The following MAGI3 variants were observed in gnomAD, a reference collection of about 807,000 sequenced individuals.
MAGI3 encodes membrane-associated guanylate kinase, WW and PDZ domain-containing protein 3.
Under a neutral mutation model 121.8 loss-of-function variants are expected in MAGI3, and 43 were observed. The ratio of observed to expected loss-of-function variants is 0.35; its 90% confidence interval spans 0.28 to 0.46. The LOEUF is 0.46. Among genes scored for constraint, MAGI3 ranks in the 20% least tolerant of loss-of-function variants. MAGI3 has a pLI of 1.00. For synonymous variants in MAGI3, 553 were observed against 639.3 expected (o/e 0.86, Z 2.04); for missense variants, 1,547 against 1,797.3 (o/e 0.86, Z 2.52).
intron 9 of MAGI3, among the ~76,000 whole-genome samples, chr1:113,634,112 G>A (rs1651844622): frequency 6.6e-6 from 1 of 152,114 alleles, no homozygotes; most frequent in African/African-American, 2.4e-5. Context: ...ATTTGTTTGA[G>A]TTCATTGTAG....
At chr1:113,406,346 G>A (rs973066422) in intron 1 of MAGI3, among the ~76,000 whole-genome samples, 2 of 150,660 alleles carry the variant, frequency 1.3e-5, no homozygotes, top group South Asian at 2.1e-4. Flanking sequence ...TACTCAGGAG[G>A]CTAAGATAAG....
chr1:113,522,826 A>G (rs1479101151), intron 1 of MAGI3, among the ~76,000 whole-genome samples: 3 of 152,228 alleles, frequency 2.0e-5, no homozygotes, highest in South Asian at 2.1e-4. Flanking sequence ...AACTGCATAT[A>G]TTATGATACT....
At chr1:113,598,601 A>C (rs143094991) in intron 6 of MAGI3, among the ~76,000 whole-genome samples, 1 of 152,196 alleles carries the variant, frequency 6.6e-6, no homozygotes, top group African/African-American at 2.4e-5. Context: ...GTCATTATAC[A>C]ATGATAAAAT....
intron 6 of MAGI3, among the ~76,000 whole-genome samples, chr1:113,604,617 T>C (rs2101759014): frequency 7.3e-6 from 1 of 136,062 alleles, no homozygotes; most frequent in African/African-American, 2.7e-5. Context: ...AAATGTGGTA[T>C]ATATATACCA....
At position 113,545,327 on chromosome 1, in the gene MAGI3, A is replaced by AT. The variant is rs137969782; in HGVS notation, c.317-4178dup. On this transcript the variant is annotated intron_variant, in intron 1 of 20. Coordinates refer to ENST00000307546, the MANE Select transcript of MAGI3 (RefSeq NM_001142782.2). ...GAATAAGACATGCCAAAATGACCTC[A>AT]TTTTTTTTTTGCTTTATTTTTAGTT... Among the ~76,000 whole-genome samples the AT allele has an allele frequency of 5.3e-3, 795 of 149,562 alleles. 10 individuals carry two copies. The highest frequency in any genetic ancestry group is 6.9e-3 in the Middle Eastern group (2 of 288).
chr1:113,420,007 T>C (rs1427858895), intron 1 of MAGI3, among the ~76,000 whole-genome samples: 1 of 152,196 alleles, frequency 6.6e-6, no homozygotes, highest in Non-Finnish European at 1.5e-5. Context: ...TTTGTGATGA[T>C]ACTGTGCAGT....
chr1:113,597,852 TA>T (rs1649116083), intron 6 of MAGI3, among the ~76,000 whole-genome samples: 1 of 152,200 alleles, frequency 6.6e-6, no homozygotes, highest in African/African-American at 2.4e-5. Flanking sequence ...CAAGATATGG[TA>T]AAAGGAGTTC....
chr1:113,408,579 C>T (rs1651810999), intron 1 of MAGI3, among the ~76,000 whole-genome samples: 1 of 151,934 alleles, frequency 6.6e-6, no homozygotes, highest in African/African-American at 2.4e-5. Context: ...CTAATTGTCT[C>T]ATATTGATAT....
chr1:113,515,017 T>C (rs1462515989), intron 1 of MAGI3, among the ~76,000 whole-genome samples: 2 of 152,146 alleles, frequency 1.3e-5, no homozygotes, highest in African/African-American at 4.8e-5. Flanking sequence ...TGCATCTTTG[T>C]AAGTAAATCT....
At chr1:113,643,596 A>G in intron 10 of MAGI3, 147 bp from the exon 11 acceptor site, 1 of 672,620 alleles carries the variant, frequency 1.5e-6, no homozygotes, top group South Asian at 1.9e-5. Context: ...GAGATAATAT[A>G]TGTATAATGC....
chr1:113,645,742 T>C lies in MAGI3; in HGVS notation c.1999-744T>C, dbSNP rs534416738. ...TGTTAATGATCACAAACATCCATAATCTCCCTCTCCTAACAATAATCCAGG... is the reference window on the plus strand; with the variant it reads ...TGTTAATGATCACAAACATCCATAACCTCCCTCTCCTAACAATAATCCAGG... On this transcript the variant is annotated intron_variant, in intron 11 of 20. Coordinates refer to ENST00000307546, the MANE Select transcript of MAGI3 (RefSeq NM_001142782.2). Among the ~76,000 whole-genome samples the C allele has an allele frequency of 2.6e-5, 4 of 152,216 alleles. No homozygotes were observed. In the South Asian group the frequency reaches 6.2e-4, roughly 24 times the overall value.
At position 113,643,724 on chromosome 1, in the gene MAGI3, G is replaced by T; in HGVS notation, c.1967-19G>T. ...AATGCATCCTCTGGTTTTAAACTTT[G>T]GTTCATTTTTTTTTTAAGGTCCTCC... is the stretch of plus-strand genomic sequence containing the variant. On this transcript the variant is annotated intron_variant, in intron 10 of 20. Coordinates refer to ENST00000307546, the MANE Select transcript of MAGI3 (RefSeq NM_001142782.2). 6.2e-7 allele frequency: 1 copy of T among 1,612,384 alleles called. No individual in the cohort carries two copies. Among genetic ancestry groups the T allele is most frequent in the Non-Finnish European group, 8.5e-7 (1 of 1,178,592 alleles).
At chr1:113,670,762 A>G (rs1647502038) in intron 16 of MAGI3, among the ~76,000 whole-genome samples, 1 of 152,212 alleles carries the variant, frequency 6.6e-6, no homozygotes, top group South Asian at 2.1e-4. Context: ...ACCCAGTGAG[A>G]TAACTGTATT....
chr1:113,589,440 G>A (rs974156808), intron 4 of MAGI3, among the ~76,000 whole-genome samples: 1 of 152,004 alleles, frequency 6.6e-6, no homozygotes, highest in Non-Finnish European at 1.5e-5. Context: ...TTTAAGCAGA[G>A]TTCTGATTTA....
At chr1:113,494,532 G>A (rs1656824424) in intron 1 of MAGI3, among the ~76,000 whole-genome samples, 1 of 152,134 alleles carries the variant, frequency 6.6e-6, no homozygotes. Context: ...GGTGAAAATG[G>A]TTATTGAAAA....
chr1:113,472,645 T>C (rs1358098092), intron 1 of MAGI3, among the ~76,000 whole-genome samples: 1 of 151,964 alleles, frequency 6.6e-6, no homozygotes, highest in African/African-American at 2.4e-5. Context: ...CTTTATGTTA[T>C]TGTGTATCTA....
chr1:113,443,133 A>G (rs745944732), intron 1 of MAGI3, among the ~76,000 whole-genome samples: 3 of 152,232 alleles, frequency 2.0e-5, no homozygotes, highest in Non-Finnish European at 4.4e-5. Context: ...TTATTCTGTT[A>G]GTAGGAATAA....
At chr1:113,409,029 G>GA (rs929668939) in intron 1 of MAGI3, among the ~76,000 whole-genome samples, 1 of 151,932 alleles carries the variant, frequency 6.6e-6, no homozygotes. Flanking sequence ...TACTGATGCT[G>GA]AAAAAAACTT....
At position 113,642,411 on chromosome 1, in the gene MAGI3, G is replaced by A. The variant is rs769963217; in HGVS notation, c.1861G>A (p.Glu621Lys). The A allele has an allele frequency of 6.2e-7, 1 of 1,614,122 alleles. No individual in the cohort carries two copies. The highest frequency in any genetic ancestry group is 1.1e-5 in the South Asian group (1 of 91,070). The change falls in exon 10 of 21, where the codon GAA (glutamate) becomes AAA (lysine). Residue 621 changes from glutamate (E) to lysine (K), a missense_variant. Glu to Lys is a moderately conservative substitution (Grantham distance 56). Coordinates refer to ENST00000307546, the MANE Select transcript of MAGI3 (RefSeq NM_001142782.2). ...CCTTCAGAAAGGAGATATAATTAAG[G>A]AAATATACCATCAAAATGTGCAGAA... The part of the protein sequence containing the change: ...QGLQKGDIIK[E>K]IYHQNVQNLT...
Sources: allele counts gnomAD v4.1 joint callset (sites outside exome capture counted in the v4.1 genomes callset), GRCh38; gene constraint gnomAD v4.1.1; transcripts MANE v1.5; gene names NCBI Gene and HGNC (gene_info 2026-07-23, HGNC 2026-07-21).